TTC7A: variants seen among roughly 807,000 people sequenced by gnomAD.
The protein encoded by TTC7A is tetratricopeptide repeat domain 7A, also known as tetratricopeptide repeat protein 7A.
A neutral mutation model predicts 103.7 loss-of-function variants in TTC7A; 110 were observed. The observed-to-expected ratio is 1.06, with a 90% CI of 0.91 to 1.24. The LOEUF is 1.24. TTC7A is among the 50% of genes most tolerant of loss of function. TTC7A has a pLI of 0.00. For synonymous variants in TTC7A, 521 were observed against 467.9 expected, an observed-to-expected ratio of 1.11 and a Z score of -1.47; for missense variants, 1,340 against 1,116.3, an observed-to-expected ratio of 1.20 and a Z score of -2.86.
Position 47,021,930 on chromosome 2 carries a change from C to G in TTC7A, c.1461C>G (p.Pro487=), listed in dbSNP as rs777088448. 1.9e-6 allele frequency: 3 copies of G among 1,614,122 alleles called. No homozygotes were observed. Among genetic ancestry groups the G allele is most frequent in the Middle Eastern group, 1.7e-4 (1 of 6,056 alleles). The change falls in exon 12 of 20, where the codon CCC becomes CCG. Residue 487 remains proline (P), a synonymous_variant. Transcript: ENST00000319190. The part of the protein sequence containing the change: ...SLGEEAGEFL[P]KGYLALGLTY... ...GAGAGGAAGCCGGGGAGTTCCTCCC[C>G]AAGGGCTACCTGGCTCTGGGTCTCA...
upstream of TTC7A, chr2:46,915,903 GC>G: frequency 1.0e-6 from 1 of 984,960 alleles, no homozygotes; most frequent in Non-Finnish European, 1.2e-6. Context: ...GCGGCGGCGG[GC>G]TGTGAGGACG....
At chr2:46,986,251 T>C (rs544686045) in intron 5 of TTC7A, among the ~76,000 whole-genome samples, 133 of 152,166 alleles carry the variant, frequency 8.7e-4, no homozygotes, top group Middle Eastern at 6.8e-3. Context: ...GCCTCTTGGG[T>C]TGTTTGGGAA....
At chr2:47,055,865 T>G (rs1683271228) in intron 18 of TTC7A, among the ~76,000 whole-genome samples, 1 of 152,150 alleles carries the variant, frequency 6.6e-6, no homozygotes, top group South Asian at 2.1e-4. Flanking sequence ...GTGTTTATGA[T>G]GAAGCCATAG....
intron 3 of TTC7A, among the ~76,000 whole-genome samples, chr2:46,959,939 G>T (rs554866258): frequency 1.7e-4 from 26 of 152,282 alleles, no homozygotes; most frequent in African/African-American, 6.3e-4. Context: ...TGTCACATTT[G>T]CTTAGAAACA....
At chr2:47,070,335 C>T (rs1335160139) in intron 19 of TTC7A, among the ~76,000 whole-genome samples, 2 of 152,240 alleles carry the variant, frequency 1.3e-5, no homozygotes, top group Non-Finnish European at 1.5e-5. Flanking sequence ...TCTGCACCTG[C>T]GTGGCCGTAA....
intron 18 of TTC7A, among the ~76,000 whole-genome samples, chr2:47,056,600 G>C (rs955579819): frequency 2.6e-5 from 4 of 152,244 alleles, no homozygotes; most frequent in African/African-American, 9.6e-5. Context: ...ACTGGAACCA[G>C]CTCTGGGTGC....
upstream of TTC7A, chr2:46,916,032 C>T (rs1335680967): frequency 1.0e-6 from 1 of 985,326 alleles, no homozygotes; most frequent in Non-Finnish European, 1.2e-6. Flanking sequence ...CCGCTGGACG[C>T]CCTAGGGGCC....
At position 46,950,305 on chromosome 2, in the gene TTC7A, C is replaced by A; in HGVS notation, c.185-58C>A. The A allele has an allele frequency of 5.0e-6, 8 of 1,598,718 alleles. No homozygotes were observed. The South Asian group carries it at 7.8e-5, about 16-fold the overall frequency. On this transcript the variant is annotated intron_variant, in intron 1 of 19. Coordinates refer to ENST00000319190, the MANE Select transcript of TTC7A (RefSeq NM_020458.4). ...TGGGTGGGTCCAGGAGTGTGCAACT[C>A]CCTCCATTATCCGCCTTGTTCGGGG...
chr2:47,018,040 G>T (rs1166126534), intron 11 of TTC7A, among the ~76,000 whole-genome samples: 2 of 152,114 alleles, frequency 1.3e-5, no homozygotes, highest in Non-Finnish European at 2.9e-5. Context: ...ACTTTGGGAG[G>T]CCAAAGCAGG....
At chr2:47,043,916 C>T (rs1204082545) in intron 15 of TTC7A, among the ~76,000 whole-genome samples, 1 of 152,244 alleles carries the variant, frequency 6.6e-6, no homozygotes, top group Non-Finnish European at 1.5e-5. Flanking sequence ...CTGCCCTAGA[C>T]CCATTCCGGC....
chr2:47,004,965 A>T (rs559310912), intron 8 of TTC7A, among the ~76,000 whole-genome samples: 1 of 152,270 alleles, frequency 6.6e-6, no homozygotes, highest in African/African-American at 2.4e-5. Context: ...AGAGTCCCAC[A>T]TCCTTGATGG....
intron 1 of TTC7A, among the ~76,000 whole-genome samples, chr2:46,946,264 A>G (rs1670929287): frequency 6.6e-6 from 1 of 151,988 alleles, no homozygotes; most frequent in Admixed American, 6.6e-5. Flanking sequence ...TCTGATGGCA[A>G]GGTCTTCTTA....
At chr2:46,980,424 C>T (rs1186734000) in intron 5 of TTC7A, among the ~76,000 whole-genome samples, 1 of 152,174 alleles carries the variant, frequency 6.6e-6, no homozygotes, top group Admixed American at 6.5e-5. Context: ...GTTGCCCAGG[C>T]TGGTCTCAAA....
At chr2:47,056,781 CAG>C (rs1491210162) in intron 18 of TTC7A, among the ~76,000 whole-genome samples, 48 of 152,046 alleles carry the variant, frequency 3.2e-4, no homozygotes, top group African/African-American at 1.2e-3. Context: ...GAGAAGAGGT[CAG>C]GGGGTAGGCA....
chr2:47,073,995 G>T lies in TTC7A; in HGVS notation c.*72G>T. On this transcript the variant is annotated 3_prime_UTR_variant, in exon 20 of 20. Transcript: ENST00000319190. The stretch of plus-strand genomic sequence containing the variant: ...AGCAGGGAACGTGGGTCAGGGTGGG[G>T]CAACAGTGGCATCAGGTGCGGGGCC... 7 of 1,227,826 alleles carry T rather than the reference G, an allele frequency of 5.7e-6. No individual in the cohort carries two copies. In the South Asian group the frequency reaches 7.9e-5, roughly 14 times the overall value. 76.1% of individuals were successfully genotyped at this position (1,227,826 alleles called of 1,614,324 possible).
At chr2:46,968,952 A>G (rs1227912921) in intron 3 of TTC7A, among the ~76,000 whole-genome samples, 2 of 144,612 alleles carry the variant, frequency 1.4e-5, no homozygotes, top group African/African-American at 5.1e-5. Context: ...TTTTTTTTTA[A>G]GAGATAAAGT....
chr2:47,005,001 G>A (rs1334357635), intron 8 of TTC7A, among the ~76,000 whole-genome samples: 1 of 152,122 alleles, frequency 6.6e-6, no homozygotes, highest in Non-Finnish European at 1.5e-5. Flanking sequence ...GTGATGAGGA[G>A]CTCCCCTCTT....
At chr2:47,046,517 A>G in intron 16 of TTC7A, 86 bp downstream of exon 16, 1 of 1,021,912 alleles carries the variant, frequency 9.8e-7, no homozygotes, top group South Asian at 1.3e-5. Context: ...ATGCCTGCCA[A>G]GATGGGGAGG....
At chr2:47,037,979 G>A (rs1048050131) in intron 15 of TTC7A, among the ~76,000 whole-genome samples, 3 of 152,032 alleles carry the variant, frequency 2.0e-5, no homozygotes, top group African/African-American at 7.2e-5. Context: ...GGCTGGGCGC[G>A]GTCACTCATG....
Sources: gnomAD v4.1 joint callset for allele counts (sites outside exome capture counted in the v4.1 genomes callset) on GRCh38, gnomAD v4.1.1 for gene constraint, MANE v1.5 for transcripts, NCBI Gene and HGNC (gene_info 2026-07-23, HGNC 2026-07-21) for gene names.